TRIM8: variants seen among roughly 807,000 people sequenced by gnomAD.
TRIM8 encodes the protein tripartite motif containing 8, also known as E3 ubiquitin-protein ligase TRIM8.
Under a neutral mutation model 55.7 loss-of-function variants are expected in TRIM8, and 9 were observed. The observed-to-expected ratio is 0.16, with a 90% confidence interval of 0.10 to 0.28. The LOEUF (loss-of-function observed/expected upper bound fraction) is 0.28, where lower values mean the gene tolerates loss of function less well. Among genes scored for constraint, TRIM8 ranks in the 10% least tolerant of loss-of-function variants. The pLI, the probability that TRIM8 is intolerant of heterozygous loss-of-function variation, is 1.00. For synonymous variants in TRIM8, 335 were observed against 333.3 expected (o/e 1.01, Z -0.06); for missense variants, 556 against 736.4 (o/e 0.76, Z 2.83).
Position 102,656,979 on chromosome 10 carries a change from C to G in TRIM8, c.1281C>G (p.Ala427=). 6.2e-7 allele frequency: 1 copy of G among 1,612,568 alleles called. No individual in the cohort carries two copies. Among genetic ancestry groups the G allele is most frequent in the Non-Finnish European group, 8.5e-7 (1 of 1,179,674 alleles). The change falls in exon 6 of 6, where the codon GCC becomes GCG. Residue 427 remains alanine, a synonymous_variant. Transcript: ENST00000643721. This position sits in a 1 kb window ranked among gnomAD's most constrained non-coding sequence, Gnocchi z 4.6. ...GCAGCTCCACGCAGCACTTGGTGGCCCTGCCGGGCGGCGCCCAACCAGTGC... is the reference window on the plus strand; with the variant it reads ...GCAGCTCCACGCAGCACTTGGTGGCGCTGCCGGGCGGCGCCCAACCAGTGC... ...GPCSSTQHLV[A]LPGGAQPVHS...
chr10:102,648,210 C>G (rs575705019), intron 1 of TRIM8, among the ~76,000 whole-genome samples: 2 of 152,264 alleles, frequency 1.3e-5, no homozygotes, highest in South Asian at 4.1e-4. Context: ...CCTCCTAGCC[C>G]CCAGGTTCAG....
At chr10:102,655,421 C>G (rs1384481487) in intron 3 of TRIM8, 108 bp downstream of exon 3, 1 of 1,048,714 alleles carries the variant, frequency 9.5e-7, no homozygotes, top group African/African-American at 1.6e-5. Context: ...TTGGAGCCAG[C>G]ATGCATGGGT....
chr10:102,654,044 T>C (rs1327889702), intron 1 of TRIM8: 2 of 150,544 alleles, frequency 1.3e-5, no homozygotes, highest in Non-Finnish European at 2.9e-5. Context: ...ATAGTACTTA[T>C]CTCATGACAT....
chr10:102,657,030 G>A lies in TRIM8; in HGVS notation c.1332G>A (p.Ser444=). 3.1e-6 allele frequency: 5 copies of A among 1,612,744 alleles called. No homozygotes were observed. In the South Asian group the frequency reaches 4.4e-5, roughly 14 times the overall value. Residue 444 remains serine (S), a synonymous_variant, in exon 6 of 6, where the codon TCG becomes TCA. Coordinates refer to ENST00000643721, the MANE Select transcript of TRIM8 (RefSeq NM_030912.3). Reference sequence around the variant, plus strand: ...ACTCAAGCCCCGTGTTCCCCCCATCGCAGTATCCCAATGGCTCCGCCGCCC... The same window carrying A: ...ACTCAAGCCCCGTGTTCCCCCCATCACAGTATCCCAATGGCTCCGCCGCCC... The part of the protein sequence containing the change: ...PVHSSPVFPP[S]QYPNGSAAQQ...
intron 1 of TRIM8, among the ~76,000 whole-genome samples, chr10:102,652,949 A>G (rs192307611): frequency 6.6e-6 from 1 of 152,152 alleles, no homozygotes; most frequent in East Asian, 1.9e-4. Flanking sequence ...GATTACAGGC[A>G]TGCACCACCT....
In TRIM8 at chr10:102,644,599, C is replaced by A; in HGVS notation, c.-19C>A. 1 of 1,607,324 alleles carries A rather than the reference C, an allele frequency of 6.2e-7. No homozygotes were observed. Among genetic ancestry groups the A allele is most frequent in the South Asian group, 1.1e-5 (1 of 90,558 alleles). On this transcript the variant is annotated 5_prime_UTR_variant, in exon 1 of 6. Coordinates refer to ENST00000643721, the MANE Select transcript of TRIM8 (RefSeq NM_030912.3). Reference sequence around the variant, plus strand: ...GGGGAGTCGGGGAGGCCTGCCCCGGCCCCCTGCCCGCGGCCGCCATGGCGG... The same window carrying A: ...GGGGAGTCGGGGAGGCCTGCCCCGGACCCCTGCCCGCGGCCGCCATGGCGG...
At position 102,657,603 on chromosome 10, in the gene TRIM8, G is replaced by C; in HGVS notation, c.*249G>C. The C allele has an allele frequency of 2.2e-6, 1 of 459,912 alleles. No homozygotes were observed. Among genetic ancestry groups the C allele is most frequent in the Non-Finnish European group, 3.8e-6 (1 of 262,620 alleles). The allele number at this position is 459,912 out of a possible 1,614,324, so 28.5% of individuals were successfully genotyped here. On this transcript the variant is annotated 3_prime_UTR_variant, in exon 6 of 6. Transcript: ENST00000643721. ...GGCCAGGACGGCAGGTGGCCCTGGA[G>C]ATGGGAAAGTGTCTGTGTCGAGGCG...
In TRIM8 at chr10:102,644,796, A is replaced by G. The variant is rs777328026; in HGVS notation, c.179A>G (p.Asn60Ser). The change falls in exon 1 of 6, where the codon AAC (asparagine) becomes AGC (serine). Residue 60 changes from asparagine (N) to serine (S), a missense_variant. By Grantham distance (46) the Asn-to-Ser change is conservative. Coordinates refer to ENST00000643721, the MANE Select transcript of TRIM8 (RefSeq NM_030912.3). ...TGCCCAGAGTGCAACCAGGCCTACA[A>G]CCAGAAGCCGGGCCTGGAGAAGAAC... ...VRCPECNQAY[N>S]QKPGLEKNLK... is the part of the protein sequence containing the mutation. 6.2e-6 allele frequency: 10 copies of G among 1,613,196 alleles called. No homozygotes were observed. The highest frequency in any genetic ancestry group is 8.5e-6 in the Non-Finnish European group (10 of 1,179,874).
intron 1 of TRIM8, among the ~76,000 whole-genome samples, chr10:102,653,261 G>C (rs1007957531): frequency 6.6e-6 from 1 of 152,208 alleles, no homozygotes; most frequent in Non-Finnish European, 1.5e-5. Context: ...GTCATGGAAA[G>C]TTTCCTAGAG....
chr10:102,649,688 G>T (rs190615689), intron 1 of TRIM8, among the ~76,000 whole-genome samples: 3 of 152,214 alleles, frequency 2.0e-5, no homozygotes, highest in African/African-American at 7.2e-5. Flanking sequence ...TGCCGGGCTC[G>T]CATCTGAGGT....
chr10:102,645,227 A>G (rs2063924161), intron 1 of TRIM8, 40 bp downstream of exon 1: 8 of 1,485,812 alleles, frequency 5.4e-6, no homozygotes, highest in Non-Finnish European at 7.1e-6. Context: ...ACACACACAC[A>G]GACACACAGT....
chr10:102,648,086 C>T (rs2063950608), intron 1 of TRIM8, among the ~76,000 whole-genome samples: 1 of 152,168 alleles, frequency 6.6e-6, no homozygotes, highest in Non-Finnish European at 1.5e-5. Flanking sequence ...AGACCATTGT[C>T]TAGGATGTGC....
intron 3 of TRIM8, among the ~76,000 whole-genome samples, chr10:102,655,739 G>T (rs145571686): frequency 3.9e-5 from 6 of 152,350 alleles, no homozygotes; most frequent in African/African-American, 1.4e-4. Context: ...GGATGATAAT[G>T]TAATATATGA....
At position 102,656,541 on chromosome 10, in the gene TRIM8, A is replaced by G; in HGVS notation, c.1048+156A>G. The G allele has an allele frequency of 1.5e-5, 20 of 1,336,594 alleles. No individual in the cohort carries two copies. The highest frequency in any genetic ancestry group is 1.9e-5 in the Non-Finnish European group (19 of 993,206). 82.8% of individuals were successfully genotyped at this position (1,336,594 alleles called of 1,614,324 possible). The stretch of plus-strand genomic sequence containing the variant: ...GTAGCTGTGGGACAGTGGGTAAGCA[A>G]CATGACCTCCCCAGCCTCCATTTCT... On this transcript the variant is annotated intron_variant, in intron 5 of 5. Coordinates refer to ENST00000643721, the MANE Select transcript of TRIM8 (RefSeq NM_030912.3). The surrounding 1 kb of genome is among the most constrained non-coding windows in gnomAD (Gnocchi z 4.6).
Position 102,656,444 on chromosome 10 carries a change from C to T in TRIM8, c.1048+59C>T. On this transcript the variant is annotated intron_variant, in intron 5 of 5. Coordinates refer to ENST00000643721, the MANE Select transcript of TRIM8 (RefSeq NM_030912.3). The surrounding 1 kb of genome is among the most constrained non-coding windows in gnomAD (Gnocchi z 4.6). Reference sequence around the variant, plus strand: ...GGACCTTTGGGGAGGGGTTCAGCGCCACAGCCTTCCCTCCAAGAGGCAGTG... The same window carrying T: ...GGACCTTTGGGGAGGGGTTCAGCGCTACAGCCTTCCCTCCAAGAGGCAGTG... 1 of 1,558,220 alleles carries T rather than the reference C, an allele frequency of 6.4e-7. No individual in the cohort carries two copies. Among genetic ancestry groups the T allele is most frequent in the Non-Finnish European group, 8.7e-7 (1 of 1,149,898 alleles).
Position 102,656,636 on chromosome 10 carries a change from T to C in TRIM8, c.1049-111T>C. The C allele has an allele frequency of 6.8e-7, 1 of 1,467,134 alleles. No individual in the cohort carries two copies. The highest frequency in any genetic ancestry group is 1.4e-5 in the South Asian group (1 of 71,980). The allele number at this position is 1,467,134 out of a possible 1,614,324, so 90.9% of individuals were successfully genotyped here. On this transcript the variant is annotated intron_variant, in intron 5 of 5. Coordinates refer to ENST00000643721, the MANE Select transcript of TRIM8 (RefSeq NM_030912.3). This position sits in a 1 kb window ranked among gnomAD's most constrained non-coding sequence, Gnocchi z 4.6. The stretch of plus-strand genomic sequence containing the variant: ...AGAGGAGCAAGCATCACCTGAGATG[T>C]AACATTCTTGGGCCTCTAGGTGTCA...
chr10:102,651,722 G>A (rs531902134), intron 1 of TRIM8, among the ~76,000 whole-genome samples: 1 of 152,336 alleles, frequency 6.6e-6, no homozygotes, highest in South Asian at 2.1e-4. Flanking sequence ...GTGGGCTTGG[G>A]GCAACCAGCA....
At chr10:102,649,616 C>T (rs2063964450) in intron 1 of TRIM8, among the ~76,000 whole-genome samples, 1 of 152,148 alleles carries the variant, frequency 6.6e-6, no homozygotes, top group Non-Finnish European at 1.5e-5. Flanking sequence ...TGCCCCAGAG[C>T]GCTGCTCTCT....
chr10:102,650,926 GGGGAC>G (rs2063979412), intron 1 of TRIM8, among the ~76,000 whole-genome samples: 1 of 152,172 alleles, frequency 6.6e-6, no homozygotes, highest in Admixed American at 6.5e-5. Flanking sequence ...GGGTCGTGAA[GGGGAC>G]GGCAGGCAGG....
Sources: allele counts gnomAD v4.1 joint callset (sites outside exome capture counted in the v4.1 genomes callset), GRCh38; gene constraint gnomAD v4.1.1; non-coding constraint Gnocchi (gnomAD v3.1); transcripts MANE v1.5; gene names NCBI Gene and HGNC (gene_info 2026-07-23, HGNC 2026-07-21).